MAP4K4: variants seen among roughly 807,000 people sequenced by gnomAD.
The protein encoded by MAP4K4 is HPK/GCK-like kinase HGK.
In MAP4K4, 38 loss-of-function variants were observed where a neutral mutation model predicts 189.6. That is an observed-to-expected ratio of 0.20 (90% CI 0.15 to 0.26). MAP4K4 has a LOEUF of 0.26. Ranked by LOEUF, MAP4K4 falls within the 10% of genes least tolerant of loss-of-function variation. The probability of loss-of-function intolerance (pLI) is 1.00; values close to 1 mark genes in which losing one functional copy is unlikely to be tolerated. For synonymous variants in MAP4K4, 610 were observed against 624.3 expected (o/e 0.98, Z 0.34); for missense variants, 1,054 against 1,726.9 (o/e 0.61, Z 6.91).
chr2:101,829,854 A>G (rs897007040), intron 6 of MAP4K4: 4 of 343,068 alleles, frequency 1.2e-5, no homozygotes, highest in Non-Finnish European at 2.2e-5. Flanking sequence ...TTTCCTGCTT[A>G]AAGAACCTTA....
chr2:101,723,027 G>A (rs1405781907), intron 2 of MAP4K4, among the ~76,000 whole-genome samples: 3 of 151,928 alleles, frequency 2.0e-5, no homozygotes, highest in Non-Finnish European at 4.4e-5. Context: ...GGAAGGCAAA[G>A]GGGAAGCCAG....
At chr2:101,859,823 G>A (rs760266370) in exon 15 of MAP4K4, 20 of 1,609,870 alleles carry the variant, frequency 1.2e-5, no homozygotes, top group Non-Finnish European at 1.4e-5. Context: ...CCATGCTCCC[G>A]AGCCCAAAGC....
At chr2:101,722,362 G>T (rs2052659100) in intron 2 of MAP4K4, among the ~76,000 whole-genome samples, 1 of 152,164 alleles carries the variant, frequency 6.6e-6, no homozygotes, top group South Asian at 2.1e-4. Flanking sequence ...CTCTGATGAA[G>T]GGTGAATTTG....
chr2:101,886,891 G>A (rs1237707016), intron 29 of MAP4K4, among the ~76,000 whole-genome samples, 197 bp from the exon 30 acceptor site: 1 of 152,114 alleles, frequency 6.6e-6, no homozygotes, highest in Non-Finnish European at 1.5e-5. Context: ...TGAGTGTGGT[G>A]GCGGGCACCT....
At chr2:101,717,867 G>A (rs1480478977) in intron 2 of MAP4K4, among the ~76,000 whole-genome samples, 1 of 152,020 alleles carries the variant, frequency 6.6e-6, no homozygotes, top group African/African-American at 2.4e-5. Context: ...TGGGAGTTTT[G>A]GAATCAATGT....
intron 8 of MAP4K4, 97 bp downstream of exon 8, chr2:101,834,560 C>T (rs1214294488): frequency 1.5e-5 from 14 of 915,974 alleles, no homozygotes; most frequent in Non-Finnish European, 2.4e-5. Flanking sequence ...TGGATAAAGG[C>T]ATTTCTGGTG....
intron 12 of MAP4K4, 33 bp downstream of exon 12, chr2:101,844,344 CTT>C: frequency 6.5e-7 from 1 of 1,538,944 alleles, no homozygotes; most frequent in Non-Finnish European, 8.8e-7. Flanking sequence ...GTTGGTTGGT[CTT>C]TTCTCTTTCT....
chr2:101,860,054 G>C (rs938159899), intron 15 of MAP4K4, 190 bp downstream of exon 15: 48 of 628,868 alleles, frequency 7.6e-5, no homozygotes, highest in African/African-American at 7.0e-4. Flanking sequence ...TTCAGTCAGT[G>C]CTTTTTCCAT....
At chr2:101,731,781 G>A (rs1262296326) in intron 2 of MAP4K4, among the ~76,000 whole-genome samples, 1 of 151,390 alleles carries the variant, frequency 6.6e-6, no homozygotes, top group African/African-American at 2.4e-5. Context: ...ATGGAGGGGA[G>A]GGGTAGGGGA....
chr2:101,888,908 A>G, exon 32 of MAP4K4: 1 of 1,612,898 alleles, frequency 6.2e-7, no homozygotes, highest in Non-Finnish European at 8.5e-7. Context: ...CTCAAAGACT[A>G]AAATTCTTGT....
intron 3 of MAP4K4, among the ~76,000 whole-genome samples, chr2:101,792,629 T>TCCTCCTCCTCCTCCTCCTCC (rs1558948672): frequency 1.3e-5 from 2 of 148,232 alleles, no homozygotes; most frequent in African/African-American, 5.1e-5. Context: ...CTCCTCCTCC[T>TCCTCCTCCTCCTCCTCCTCC]TCTTCTTTCT....
At position 101,698,111 on chromosome 2, in the gene MAP4K4, G is replaced by A. The variant is rs2035271150; in HGVS notation, c.31G>A (p.Val11Met). The A allele has an allele frequency of 7.0e-6, 9 of 1,292,484 alleles. No individual in the cohort carries two copies. Among genetic ancestry groups the A allele is most frequent in the Non-Finnish European group, 9.1e-6 (9 of 984,206 alleles). 80.1% of individuals were successfully genotyped at this position (1,292,484 alleles called of 1,614,324 possible). Residue 11 changes from valine to methionine, a missense_variant, in exon 1 of 33, where the codon GTG becomes ATG. Transcript: ENST00000324219. ...GAACGACTCCCCTGCAAAAAGTCTG[G>A]TGGACATCGACCTCTCCTCCCTGCG...
Position 101,806,526 on chromosome 2 carries a change from C to T in MAP4K4, c.180+15750C>T, listed in dbSNP as rs117588829. Among the ~76,000 whole-genome samples the T allele has an allele frequency of 4.4e-4, 67 of 152,190 alleles. No homozygotes were observed. In the East Asian group the frequency reaches 0.013, roughly 29 times the overall value. On this transcript the variant is annotated intron_variant, in intron 3 of 32. Coordinates refer to ENST00000324219, the Ensembl canonical transcript of MAP4K4. ...TAGGAGCTGGGACTACAGGCACGTG[C>T]CACCGTGCCCGGCTTATTTTTATAT...
At chr2:101,811,370 C>CAGAAAAA (rs2095412698) in intron 3 of MAP4K4, among the ~76,000 whole-genome samples, 1 of 68,902 alleles carries the variant, frequency 1.5e-5, no homozygotes, top group Non-Finnish European at 2.6e-5. Context: ...GACTGCGTCT[C>CAGAAAAA]AAAAAAAAAA....
chr2:101,808,845 C>T (rs1045008778), intron 3 of MAP4K4, among the ~76,000 whole-genome samples: 15 of 151,640 alleles, frequency 9.9e-5, no homozygotes, highest in Admixed American at 5.2e-4. Flanking sequence ...GATGGAAAGG[C>T]TTTTTTCTCT....
chr2:101,818,829 A>G, intron 3 of MAP4K4, among the ~76,000 whole-genome samples: 1 of 151,986 alleles, frequency 6.6e-6, no homozygotes, highest in African/African-American at 2.4e-5. Context: ...TCCACTGGTT[A>G]AAGTCCAAAA....
chr2:101,697,961 A>T, exon 1 of MAP4K4: 1 of 412,400 alleles, frequency 2.4e-6, no homozygotes, highest in Admixed American at 5.5e-5. Flanking sequence ...CCGCGAGGAG[A>T]GTACCGGGCC....
chr2:101,706,754 C>T (rs553967392), intron 2 of MAP4K4, among the ~76,000 whole-genome samples: 7 of 152,306 alleles, frequency 4.6e-5, no homozygotes, highest in Non-Finnish European at 4.4e-5. Flanking sequence ...CTGGATACTG[C>T]AGTCTTCCTT....
intron 2 of MAP4K4, among the ~76,000 whole-genome samples, chr2:101,737,111 T>C (rs1336553302): frequency 6.6e-6 from 1 of 152,096 alleles, no homozygotes; most frequent in Non-Finnish European, 1.5e-5. Context: ...TAAAATTTAA[T>C]CTTTTGAAAT....
Sources: gnomAD v4.1 joint callset for allele counts (sites outside exome capture counted in the v4.1 genomes callset) on GRCh38, gnomAD v4.1.1 for gene constraint, MANE v1.5 for transcripts, NCBI Gene and HGNC (gene_info 2026-07-23, HGNC 2026-07-21) for gene names.